The following SH3GLB1 variants were observed in gnomAD, a reference collection of about 807,000 sequenced individuals.
SH3GLB1 encodes the protein endophilin-B1.
SH3GLB1 carries 17 observed loss-of-function variants against 42.0 expected under a neutral mutation model. That is an observed-to-expected ratio of 0.40 (90% CI 0.28 to 0.61). The LOEUF (loss-of-function observed/expected upper bound fraction) is 0.61. SH3GLB1 is among the 20% of genes least tolerant of loss of function. The probability of loss-of-function intolerance (pLI) is 0.36; values close to 1 mark genes in which losing one functional copy is unlikely to be tolerated. For missense variants in SH3GLB1, 355 were observed against 426.3 expected (o/e 0.83, Z 1.47); for synonymous variants, 132 against 146.6 (o/e 0.90, Z 0.72).
intron 2 of SH3GLB1, among the ~76,000 whole-genome samples, chr1:86,718,293 G>GC (rs1654670199): frequency 6.6e-6 from 1 of 151,972 alleles, no homozygotes; most frequent in Non-Finnish European, 1.5e-5. Context: ...TGGTCTACCT[G>GC]CCTTGGCCTC....
chr1:86,715,953 CAT>C, intron 2 of SH3GLB1, 88 bp downstream of exon 2: 14 of 1,387,218 alleles, frequency 1.0e-5, no homozygotes, highest in Non-Finnish European at 1.4e-5. Context: ...CATCTGAAAA[CAT>C]AGGATTTTTT....
chr1:86,722,504 C>T (rs1654922571), intron 3 of SH3GLB1, 36 bp from the exon 4 acceptor site: 1 of 1,536,286 alleles, frequency 6.5e-7, no homozygotes, highest in Non-Finnish European at 8.7e-7. Context: ...CTGGTATTAC[C>T]AGACAATGAT....
At chr1:86,734,352 G>T in intron 5 of SH3GLB1, 1 of 345,270 alleles carries the variant, frequency 2.9e-6, no homozygotes. Flanking sequence ...GCTCTTAAGA[G>T]TGTATCATTA....
At chr1:86,742,742 T>C (rs942877923) in intron 8 of SH3GLB1, among the ~76,000 whole-genome samples, 1 of 152,142 alleles carries the variant, frequency 6.6e-6, no homozygotes, top group Non-Finnish European at 1.5e-5. Context: ...GTGGGATCAC[T>C]TGAGGCCAGG....
intron 1 of SH3GLB1, among the ~76,000 whole-genome samples, chr1:86,705,182 C>A (rs1260051987): frequency 6.6e-6 from 1 of 152,150 alleles, no homozygotes; most frequent in Non-Finnish European, 1.5e-5. Context: ...CCCTGGGAAG[C>A]GAGGCGGGGT....
At position 86,704,783 on chromosome 1, in the gene SH3GLB1, GCCTCCCTCCACCTACCACGTCTGCCCT is replaced by G; in HGVS notation, c.-115_-89del. ...CAGCTGCGGCTGCGGGGCTGGCGCCGCCTCCCTCCACCTACCACGTCTGCCCTCGCCGCTCTAGCCCTGCGCCCCAGC... is the reference window on the plus strand; with the variant it reads ...CAGCTGCGGCTGCGGGGCTGGCGCCGCGCCGCTCTAGCCCTGCGCCCCAGC... On this transcript the variant is annotated 5_prime_UTR_variant, in exon 1 of 9. Coordinates refer to ENST00000370558, the MANE Select transcript of SH3GLB1 (RefSeq NM_016009.5). 1.8e-6 allele frequency: 1 copy of G among 548,486 alleles called. No homozygotes were observed. The highest frequency in any genetic ancestry group is 3.6e-5 in the East Asian group (1 of 27,598). 34.0% of individuals were successfully genotyped at this position (548,486 alleles called of 1,614,324 possible).
intron 2 of SH3GLB1, 152 bp downstream of exon 2, chr1:86,716,017 G>A (rs1334808962): frequency 6.9e-6 from 5 of 719,696 alleles, no homozygotes; most frequent in Non-Finnish European, 8.9e-6. Flanking sequence ...TTGTGAAGAG[G>A]AAGTGATAAA....
chr1:86,733,328 A>T (rs1570285952), intron 5 of SH3GLB1, among the ~76,000 whole-genome samples: 1 of 152,192 alleles, frequency 6.6e-6, no homozygotes, highest in East Asian at 1.9e-4. Flanking sequence ...CTTTGCTGCT[A>T]CTTCCTTGTA....
At chr1:86,736,686 G>A (rs910030497) in intron 7 of SH3GLB1, among the ~76,000 whole-genome samples, 2 of 151,646 alleles carry the variant, frequency 1.3e-5, no homozygotes, top group Non-Finnish European at 2.9e-5. Context: ...TCCAGTTGTT[G>A]CGTTATTACT....
intron 4 of SH3GLB1, among the ~76,000 whole-genome samples, chr1:86,723,732 G>C (rs896427987): frequency 6.4e-4 from 97 of 152,226 alleles, no homozygotes; most frequent in African/African-American, 2.3e-3. Flanking sequence ...GTTGCATTTG[G>C]TGCTATGACA....
chr1:86,728,366 G>T, intron 5 of SH3GLB1: 1 of 1,103,068 alleles, frequency 9.1e-7, no homozygotes, highest in Non-Finnish European at 1.3e-6. Context: ...GTGTTCATTG[G>T]TATAATGTGT....
intron 1 of SH3GLB1, among the ~76,000 whole-genome samples, chr1:86,706,917 AAG>A (rs533721145): frequency 7.1e-4 from 108 of 152,300 alleles, no homozygotes; most frequent in African/African-American, 2.1e-3. Flanking sequence ...CTTTAGGAAA[AAG>A]TTTTAAATTT....
intron 1 of SH3GLB1, among the ~76,000 whole-genome samples, chr1:86,714,483 T>C (rs960281932): frequency 6.6e-6 from 1 of 152,206 alleles, no homozygotes; most frequent in Admixed American, 6.5e-5. Context: ...TTACAAAAGC[T>C]ATTTAAGCTG....
rs912522388 is a variant in SH3GLB1, at chr1:86,708,999, T to C, written c.72+4028T>C. Among the ~76,000 whole-genome samples the C allele has an allele frequency of 5.9e-5, 9 of 152,310 alleles. No homozygotes were observed. In the East Asian group the frequency reaches 1.3e-3, roughly 23 times the overall value. On this transcript the variant is annotated intron_variant, in intron 1 of 8. Coordinates refer to ENST00000370558, the MANE Select transcript of SH3GLB1 (RefSeq NM_016009.5). ...CAAAATGGAGAGAGTAAAAAAAATT[T>C]TAAAATAAAAGTAAAATAAACTTTT... is the stretch of plus-strand genomic sequence containing the variant.
chr1:86,718,605 A>G (rs1654687375), intron 2 of SH3GLB1, among the ~76,000 whole-genome samples: 2 of 152,142 alleles, frequency 1.3e-5, no homozygotes, highest in Admixed American at 6.5e-5. Flanking sequence ...AAACTTCCGC[A>G]TGCGTAGGAA....
At chr1:86,705,414 CT>C (rs2101902676) in intron 1 of SH3GLB1, among the ~76,000 whole-genome samples, 1 of 152,280 alleles carries the variant, frequency 6.6e-6, no homozygotes, top group African/African-American at 2.4e-5. Context: ...AGGGAGTTTC[CT>C]TTTCCTGTCC....
chr1:86,732,748 C>G (rs1021332249), intron 5 of SH3GLB1, among the ~76,000 whole-genome samples: 5 of 152,072 alleles, frequency 3.3e-5, no homozygotes, highest in Non-Finnish European at 7.4e-5. Context: ...ATTCAGTGTA[C>G]TTAGCATTAA....
intron 4 of SH3GLB1, among the ~76,000 whole-genome samples, 168 bp from the exon 5 acceptor site, chr1:86,724,145 G>T (rs1655023422): frequency 8.2e-6 from 1 of 122,144 alleles, no homozygotes; most frequent in Non-Finnish European, 1.6e-5. Flanking sequence ...AGTAACAAGG[G>T]GGTGGGGGGG....
Position 86,719,379 on chromosome 1 carries a change from A to G in SH3GLB1, c.215-128A>G, listed in dbSNP as rs1262299925. ...TAACATAAAATTTAAAAAATTATTT[A>G]TTAAGATATGTGCTTGAATGAATGC... is the stretch of plus-strand genomic sequence containing the variant. On this transcript the variant is annotated intron_variant, in intron 2 of 8. Coordinates refer to ENST00000370558, the MANE Select transcript of SH3GLB1 (RefSeq NM_016009.5). The G allele has an allele frequency of 5.9e-6, 3 of 505,566 alleles. No homozygotes were observed. In the Admixed American group the frequency reaches 1.4e-4, roughly 23 times the overall value. 31.3% of individuals were successfully genotyped at this position (505,566 alleles called of 1,614,324 possible).
Sources: gnomAD v4.1 joint callset for allele counts (sites outside exome capture counted in the v4.1 genomes callset) on GRCh38, gnomAD v4.1.1 for gene constraint, MANE v1.5 for transcripts, NCBI Gene and HGNC (gene_info 2026-07-23, HGNC 2026-07-21) for gene names.